Variants in DENND1A observed in about 807,000 individuals in gnomAD.
The protein encoded by DENND1A is DENN domain containing 1A, also known as DENN domain-containing protein 1A.
In DENND1A, 51 loss-of-function variants were observed where a neutral mutation model predicts 113.7. The ratio of observed to expected loss-of-function variants is 0.45; its 90% CI spans 0.36 to 0.57. The LOEUF is 0.57. Among genes scored for constraint, DENND1A ranks in the 20% least tolerant of loss-of-function variants. The pLI is 0.00. For synonymous variants in DENND1A, 565 were observed against 570.8 expected (o/e 0.99, Z 0.14); for missense variants, 1,258 against 1,395.9 (o/e 0.90, Z 1.57).
chr9:123,671,183 G>A, intron 7 of DENND1A, 108 bp downstream of exon 7: 2 of 1,274,260 alleles, frequency 1.6e-6, no homozygotes, highest in African/African-American at 1.5e-5. Flanking sequence ...TTGGGGGTAG[G>A]GTTAGGGGAG....
chr9:123,706,066 C>T (rs1041304585), intron 5 of DENND1A, among the ~76,000 whole-genome samples: 1 of 151,758 alleles, frequency 6.6e-6, no homozygotes, highest in South Asian at 2.1e-4. Context: ...TCTAACAATG[C>T]AGCAAGAAAT....
rs542531881 is a variant in DENND1A, at chr9:123,648,932, T to C, written c.618+3081A>G. ...AGCCCATATACATGTGATCTGTTTT[T>C]GGGCTCTCTATTCTGTTCCATCAGC... is the stretch of plus-strand genomic sequence containing the variant. On this transcript the variant is annotated intron_variant, in intron 9 of 23. Transcript: ENST00000394215. Among the ~76,000 whole-genome samples the C allele has an allele frequency of 3.9e-5, 6 of 152,346 alleles. No homozygotes were observed. In the East Asian group the frequency reaches 9.6e-4, roughly 24 times the overall value.
intron 8 of DENND1A, among the ~76,000 whole-genome samples, chr9:123,656,627 A>G (rs572785391): frequency 6.6e-6 from 1 of 152,286 alleles, no homozygotes; most frequent in South Asian, 2.1e-4. Flanking sequence ...TTAAAGGGAG[A>G]GTCCATTCTT....
intron 13 of DENND1A, among the ~76,000 whole-genome samples, chr9:123,468,193 A>G (rs1206360464): frequency 2.0e-5 from 3 of 152,092 alleles, no homozygotes; most frequent in Non-Finnish European, 4.4e-5. Context: ...GGAAGTGACT[A>G]CACCTCTTAG....
At chr9:123,666,971 G>T in intron 8 of DENND1A, 55 bp downstream of exon 8, 1 of 1,442,966 alleles carries the variant, frequency 6.9e-7, no homozygotes, top group South Asian at 1.4e-5. Context: ...CAAACAAATA[G>T]GCAGAAAACA....
chr9:123,620,269 A>G (rs2060893633), intron 10 of DENND1A, among the ~76,000 whole-genome samples: 1 of 151,758 alleles, frequency 6.6e-6, no homozygotes, highest in African/African-American at 2.4e-5. Context: ...GAAAAAAGAA[A>G]TCATCCAAAG....
intron 13 of DENND1A, among the ~76,000 whole-genome samples, chr9:123,538,443 G>T (rs1450467844): frequency 6.6e-6 from 1 of 152,034 alleles, no homozygotes; most frequent in East Asian, 1.9e-4. Flanking sequence ...TCACTAAAAA[G>T]AAACCAGTGC....
intron 13 of DENND1A, among the ~76,000 whole-genome samples, chr9:123,531,814 T>C (rs536166866): frequency 6.6e-6 from 1 of 152,246 alleles, no homozygotes; most frequent in South Asian, 2.1e-4. Flanking sequence ...TTAAGAAATA[T>C]ATAAACCCCA....
At chr9:123,677,042 G>A (rs2140114120) in intron 5 of DENND1A, among the ~76,000 whole-genome samples, 1 of 152,310 alleles carries the variant, frequency 6.6e-6, no homozygotes, top group Admixed American at 6.5e-5. Context: ...AGTTCACAGA[G>A]AAGAAATTCA....
At chr9:123,917,790 C>T (rs775817792) in intron 1 of DENND1A, among the ~76,000 whole-genome samples, 5 of 151,980 alleles carry the variant, frequency 3.3e-5, no homozygotes, top group Non-Finnish European at 5.9e-5. Context: ...CTCTGTCATA[C>T]CAAAAGGCAA....
Position 123,830,322 on chromosome 9 carries a change from A to T in DENND1A, c.89-37692T>A, listed in dbSNP as rs117504327. ...AAACTAATCTATGGTAACATAAATCAGAACAGTTGTTGTCTCTGGTGGGGT... is the reference window on the plus strand; with the variant it reads ...AAACTAATCTATGGTAACATAAATCTGAACAGTTGTTGTCTCTGGTGGGGT... On this transcript the variant is annotated intron_variant, in intron 2 of 23. Transcript: ENST00000394215. Among the ~76,000 whole-genome samples the T allele has an allele frequency of 7.4e-3, 1,120 of 152,302 alleles. 10 individuals carry two copies. Among genetic ancestry groups the T allele is most frequent in the Non-Finnish European group, 0.012 (818 of 68,014 alleles).
At chr9:123,845,094 C>T (rs1384859116) in intron 2 of DENND1A, among the ~76,000 whole-genome samples, 4 of 151,994 alleles carry the variant, frequency 2.6e-5, no homozygotes, top group Non-Finnish European at 5.9e-5. Context: ...CTGGCACGCA[C>T]CTGTAGTCCC....
intron 2 of DENND1A, among the ~76,000 whole-genome samples, chr9:123,851,024 C>A (rs183708497): frequency 6.6e-6 from 1 of 152,122 alleles, no homozygotes; most frequent in African/African-American, 2.4e-5. Context: ...TCAAGAGACA[C>A]GTCTTCAACA....
chr9:123,536,646 A>G (rs2135477625), intron 13 of DENND1A, among the ~76,000 whole-genome samples: 1 of 152,188 alleles, frequency 6.6e-6, no homozygotes. Context: ...CGCAAATGCT[A>G]GGAGTTCCTA....
intron 10 of DENND1A, among the ~76,000 whole-genome samples, chr9:123,620,029 A>G (rs990128193): frequency 6.6e-6 from 1 of 151,964 alleles, no homozygotes; most frequent in Non-Finnish European, 1.5e-5. Flanking sequence ...CCTGACCAAC[A>G]TAGTGAAACC....
intron 8 of DENND1A, among the ~76,000 whole-genome samples, chr9:123,659,307 C>A (rs190405710): frequency 2.0e-4 from 31 of 152,298 alleles, no homozygotes; most frequent in African/African-American, 7.5e-4. Flanking sequence ...TTACAGGCAG[C>A]GGAGCCCTGG....
chr9:123,644,681 G>A (rs1364745023), intron 9 of DENND1A, among the ~76,000 whole-genome samples: 19 of 152,308 alleles, frequency 1.2e-4, no homozygotes, highest in Middle Eastern at 3.4e-3. Context: ...ATTAGTTTGT[G>A]TGTAATCCCT....
Position 123,380,244 on chromosome 9 carries a change from G to A in DENND1A, c.*1188C>T, listed in dbSNP as rs1393918869. ...AATGGTCGGGCCATACTTTAACTTGGTTTATGGAAATGAATCCATTTCAAG... is the reference window on the plus strand; with the variant it reads ...AATGGTCGGGCCATACTTTAACTTGATTTATGGAAATGAATCCATTTCAAG... On this transcript the variant is annotated 3_prime_UTR_variant, in exon 24 of 24. Coordinates refer to ENST00000394215, the MANE Select transcript of DENND1A (RefSeq NM_001352964.2). 1 of 152,396 alleles carries A rather than the reference G, an allele frequency of 6.6e-6. No individual in the cohort carries two copies. The highest frequency in any genetic ancestry group is 1.5e-5 in the Non-Finnish European group (1 of 68,032). The allele number at this position is 152,396 out of a possible 1,614,324, so 9.4% of individuals were successfully genotyped here.
chr9:123,607,335 G>C (rs746721067), intron 11 of DENND1A, among the ~76,000 whole-genome samples: 1 of 150,790 alleles, frequency 6.6e-6, no homozygotes, highest in Non-Finnish European at 1.5e-5. Flanking sequence ...AGCTTTGTGA[G>C]TATTTAGAGA....
Sources: gnomAD v4.1 joint callset for allele counts (sites outside exome capture counted in the v4.1 genomes callset) on GRCh38, gnomAD v4.1.1 for gene constraint, MANE v1.5 for transcripts, NCBI Gene and HGNC (gene_info 2026-07-23, HGNC 2026-07-21) for gene names.